The following SHBG variants were observed in gnomAD, a reference collection of about 807,000 sequenced individuals.
SHBG encodes the protein sex hormone-binding globulin.
A neutral mutation model predicts 41.9 loss-of-function variants in SHBG; 37 were observed. The ratio of observed to expected loss-of-function variants is 0.88; its 90% CI spans 0.68 to 1.16. The LOEUF is 1.16. Ranked by LOEUF, SHBG falls within the 50% of genes most tolerant of loss-of-function variation. The probability of loss-of-function intolerance (pLI) is 0.00; values close to 1 mark genes in which losing one functional copy is unlikely to be tolerated. For missense variants in SHBG, 466 were observed against 499.9 expected (o/e 0.93, Z 0.65); for synonymous variants, 217 against 205.8 (o/e 1.05, Z -0.47).
upstream of SHBG, chr17:7,627,100 G>A (rs766182156): frequency 6.8e-6 from 11 of 1,612,456 alleles, no homozygotes; most frequent in South Asian, 4.4e-5. The surrounding 1 kb of genome is among the most constrained non-coding windows in gnomAD (Gnocchi z 4.8). Context: ...AGACCTCTGA[G>A]GCCGGCTGGA....
At chr17:7,631,804 C>G (rs577755384) in intron 5 of SHBG, 56 bp downstream of exon 5, 3 of 1,612,194 alleles carry the variant, frequency 1.9e-6, no homozygotes, top group Non-Finnish European at 2.5e-6. Context: ...CTGCCTCTGT[C>G]CCCCTCTACC....
rs1018623796 is a variant in SHBG, at chr17:7,614,516, G to A, written c.-62+405G>A. The A allele has an allele frequency of 1.1e-5, 16 of 1,510,718 alleles. No individual in the cohort carries two copies. Among genetic ancestry groups the A allele is most frequent in the Non-Finnish European group, 1.1e-5 (13 of 1,132,800 alleles). The allele number at this position is 1,510,718 out of a possible 1,614,324, so 93.6% of individuals were successfully genotyped here. A position where few individuals can be genotyped will look rare whatever the true frequency, so the allele number is the denominator to read the frequency against. ...CAGTCCCGGCTCCACATCCCCCCCAGAGGCCAGGCCGCCCATGGCGCCGCC... is the reference window on the plus strand; with the variant it reads ...CAGTCCCGGCTCCACATCCCCCCCAAAGGCCAGGCCGCCCATGGCGCCGCC... On this transcript the variant is annotated intron_variant, in intron 1 of 5. Transcript: ENST00000570547.
upstream of SHBG, chr17:7,627,639 G>T: frequency 1.2e-6 from 2 of 1,614,008 alleles, no homozygotes; most frequent in Non-Finnish European, 1.7e-6. The surrounding 1 kb of genome is among the most constrained non-coding windows in gnomAD (Gnocchi z 4.8). Context: ...AAGCCATCCG[G>T]ATCCCCGCTG....
upstream of SHBG, chr17:7,629,983 A>G: frequency 1.5e-6 from 1 of 658,176 alleles, no homozygotes; most frequent in Admixed American, 2.1e-5. Flanking sequence ...CACCCCATTG[A>G]TCCCCAGAGG....
chr17:7,630,665 T>C lies in SHBG; in HGVS notation c.204-15T>C, dbSNP rs898538792. On this transcript the variant is annotated splice_polypyrimidine_tract_variant and intron_variant, in intron 2 of 7. Transcript: ENST00000380450. This position sits in a 1 kb window ranked among gnomAD's most constrained non-coding sequence, Gnocchi z 4.6. ...ACACATGACATACACAATCTTTCCT[T>C]CTGTGTCCTTCCAGAACCTCCTCCT... 6.2e-7 allele frequency: 1 copy of C among 1,610,586 alleles called. No homozygotes were observed. Among genetic ancestry groups the C allele is most frequent in the African/African-American group, 1.3e-5 (1 of 74,872 alleles).
chr17:7,631,520 G>A, intron 4 of SHBG, 69 bp from the exon 5 acceptor site: 1 of 1,586,052 alleles, frequency 6.3e-7, no homozygotes, highest in South Asian at 1.1e-5. Flanking sequence ...CTGAGGGCAG[G>A]GAGGTCGGGA....
rs774623027 is a variant in SHBG at position 7,631,230 on chromosome 17, C to T, written c.424C>T (p.Leu142=). 4.3e-5 allele frequency: 69 copies of T among 1,592,398 alleles called. No individual in the cohort carries two copies. The highest frequency in any genetic ancestry group is 5.7e-5 in the Non-Finnish European group (67 of 1,169,608). The change falls in exon 4 of 8, where the codon CTG becomes TTG. Residue 142 remains leucine, a synonymous_variant. Transcript: ENST00000380450. The stretch of plus-strand genomic sequence containing the variant: ...AGTCAAGATGGAGGGGGACTCTGTG[C>T]TGCTGGAGGTGGATGGGGAGGAGGT... ...VEVKMEGDSV[L]LEVDGEEVLR...
In SHBG at chr17:7,631,603, G is replaced by A; in HGVS notation, c.570G>A (p.Leu190=). ...SNLRLPLVPA[L]DGCLRRDSWL... is the part of the protein sequence containing the mutation. Reference sequence around the variant, plus strand: ...TCACACTCCAGCTGGTTCCTGCCCTGGATGGCTGCCTGCGCCGGGATTCCT... The same window carrying A: ...TCACACTCCAGCTGGTTCCTGCCCTAGATGGCTGCCTGCGCCGGGATTCCT... The change falls in exon 5 of 8, where the codon CTG becomes CTA. Residue 190 remains leucine (L), a synonymous_variant. Transcript: ENST00000380450. 6.2e-7 allele frequency: 1 copy of A among 1,614,128 alleles called. No individual in the cohort carries two copies. Among genetic ancestry groups the A allele is most frequent in the Non-Finnish European group, 8.5e-7 (1 of 1,180,012 alleles).
chr17:7,620,178 A>C (rs2072065441), intron 1 of SHBG, among the ~76,000 whole-genome samples: 1 of 152,152 alleles, frequency 6.6e-6, no homozygotes, highest in Non-Finnish European at 1.5e-5. Context: ...AGAAGTGGTA[A>C]TACTGGCCAG....
At chr17:7,631,517 C>A in intron 4 of SHBG, 72 bp from the exon 5 acceptor site, 1 of 1,580,272 alleles carries the variant, frequency 6.3e-7, no homozygotes, top group South Asian at 1.1e-5. Context: ...CAACTGAGGG[C>A]AGGGAGGTCG....
At chr17:7,629,292 C>T (rs546912912), upstream of SHBG, among the ~76,000 whole-genome samples, 4 of 151,782 alleles carry the variant, frequency 2.6e-5, no homozygotes, top group South Asian at 2.1e-4. Context: ...ACAGGAGGAT[C>T]GCTTGAACTC....
Position 7,632,727 on chromosome 17 carries a change from C to A in SHBG, c.853-25C>A, listed in dbSNP as rs370605449. The A allele has an allele frequency of 3.8e-6, 6 of 1,582,338 alleles. No homozygotes were observed. In the African/African-American group the frequency reaches 8.1e-5, roughly 21 times the overall value. ...GGCTCATTCTTCCCTCTCTCTCTACCGTCCCTTTCCCACACACTCTGCAGA... is the reference window on the plus strand; with the variant it reads ...GGCTCATTCTTCCCTCTCTCTCTACAGTCCCTTTCCCACACACTCTGCAGA... On this transcript the variant is annotated intron_variant, in intron 6 of 7. Transcript: ENST00000380450.
intron 1 of SHBG, among the ~76,000 whole-genome samples, chr17:7,615,562 A>C (rs1462843818): frequency 6.6e-6 from 1 of 151,874 alleles, no homozygotes; most frequent in Non-Finnish European, 1.5e-5. Context: ...GCGCTCTGGG[A>C]GGCCGAGGCA....
rs1387887118 is a variant in SHBG at position 7,630,519 on chromosome 17, G to A, written c.203+12G>A. Reference sequence around the variant, plus strand: ...ACCAAGATCACAAAGTATGGGGTTGGCCTAGCCCTTGACCCAGTCCCCTGG... The same window carrying A: ...ACCAAGATCACAAAGTATGGGGTTGACCTAGCCCTTGACCCAGTCCCCTGG... On this transcript the variant is annotated intron_variant, in intron 2 of 7. Coordinates refer to ENST00000380450, the MANE Select transcript of SHBG (RefSeq NM_001040.5). The surrounding 1 kb of genome is among the most constrained non-coding windows in gnomAD (Gnocchi z 4.6). The A allele has an allele frequency of 5.0e-6, 8 of 1,611,916 alleles. No individual in the cohort carries two copies. The highest frequency in any genetic ancestry group is 6.8e-6 in the Non-Finnish European group (8 of 1,178,058).
chr17:7,618,126 G>A (rs1322332649), intron 1 of SHBG, among the ~76,000 whole-genome samples: 1 of 151,980 alleles, frequency 6.6e-6, no homozygotes, highest in South Asian at 2.1e-4. Context: ...AGCTGAGGGA[G>A]GAGAATCTCT....
In SHBG at chr17:7,631,324, G is replaced by C. The variant is rs777068397; in HGVS notation, c.518G>C (p.Gly173Ala). 1.8e-5 allele frequency: 29 copies of C among 1,613,818 alleles called. No homozygotes were observed. In the East Asian group the frequency reaches 2.7e-4, roughly 15 times the overall value. ...CATCCCATCATGAGGATTGCGCTTG[G>C]GGGGCTGCTCTTCCCCGCTTCCAAC... The part of the protein sequence containing the change: ...KRHPIMRIAL[G>A]GLLFPASNLR... The change falls in exon 4 of 8, where the codon GGG (glycine) becomes GCG (alanine). Residue 173 changes from glycine to alanine, a missense_variant. Coordinates refer to ENST00000380450, the MANE Select transcript of SHBG (RefSeq NM_001040.5).
chr17:7,618,811 T>A (rs999695030), intron 1 of SHBG, among the ~76,000 whole-genome samples: 3 of 152,022 alleles, frequency 2.0e-5, no homozygotes, highest in African/African-American at 7.3e-5. Context: ...TGAAGGGAGA[T>A]CCCAATTGCG....
At chr17:7,627,513 C>T (rs777255990), upstream of SHBG, 1 of 1,552,380 alleles carries the variant, frequency 6.4e-7, no homozygotes, top group East Asian at 2.2e-5. This position sits in a 1 kb window ranked among gnomAD's most constrained non-coding sequence, Gnocchi z 4.8. Flanking sequence ...CCGCCTCCTA[C>T]GACCCCGCTC....
intron 7 of SHBG, 79 bp downstream of exon 7, chr17:7,633,038 G>A: frequency 6.9e-7 from 1 of 1,459,670 alleles, no homozygotes; most frequent in Non-Finnish European, 9.6e-7. Flanking sequence ...TGAGGGGAAG[G>A]AAACCTCTGG....
Sources: allele counts gnomAD v4.1 joint callset (sites outside exome capture counted in the v4.1 genomes callset), GRCh38; gene constraint gnomAD v4.1.1; non-coding constraint Gnocchi (gnomAD v3.1); transcripts MANE v1.5; gene names NCBI Gene and HGNC (gene_info 2026-07-23, HGNC 2026-07-21).